Variants in AMOTL1 observed in about 807,000 individuals in gnomAD.
The protein encoded by AMOTL1 is angiomotin-like protein 1.
AMOTL1 carries 45 observed loss-of-function variants against 102.9 expected under a neutral mutation model. The ratio of observed to expected loss-of-function variants is 0.44; its 90% CI spans 0.34 to 0.56. The LOEUF is 0.56. Ranked by LOEUF, AMOTL1 falls within the 20% of genes least tolerant of loss-of-function variation. The probability of loss-of-function intolerance (pLI) is 0.01; values close to 1 mark genes in which losing one functional copy is unlikely to be tolerated. For synonymous variants in AMOTL1, 481 were observed against 484.7 expected (o/e 0.99, Z 0.10); for missense variants, 1,114 against 1,225.6 (o/e 0.91, Z 1.36).
intron 6 of AMOTL1, among the ~76,000 whole-genome samples, chr11:94,833,134 G>T (rs1952107449): frequency 6.6e-6 from 1 of 152,190 alleles, no homozygotes; most frequent in African/African-American, 2.4e-5. Context: ...GTGTTCTGAA[G>T]GCAAACACAA....
chr11:94,751,229 A>ATT (rs200703381), intron 3 of AMOTL1, among the ~76,000 whole-genome samples: 2 of 151,762 alleles, frequency 1.3e-5, no homozygotes, highest in African/African-American at 4.8e-5. Flanking sequence ...ATATATATAT[A>ATT]TTTTTTTTAT....
intron 8 of AMOTL1, among the ~76,000 whole-genome samples, chr11:94,855,243 C>T (rs1952638138): frequency 6.6e-6 from 1 of 152,236 alleles, no homozygotes; most frequent in Admixed American, 6.5e-5. Context: ...CAGGCCCATG[C>T]AGTTCCCTCT....
intron 10 of AMOTL1, 61 bp from the exon 11 acceptor site, chr11:94,865,881 A>G: frequency 7.0e-7 from 1 of 1,427,774 alleles, no homozygotes; most frequent in East Asian, 2.4e-5. Flanking sequence ...CCTGAGATAA[A>G]TGTTTCAAGT....
intron 4 of AMOTL1, among the ~76,000 whole-genome samples, chr11:94,828,072 C>G (rs545807144): frequency 6.6e-6 from 1 of 152,172 alleles, no homozygotes; most frequent in African/African-American, 2.4e-5. Context: ...TGGAAATCTT[C>G]GCCAATATGT....
At chr11:94,722,343 G>A (rs1950187119) in intron 1 of AMOTL1, among the ~76,000 whole-genome samples, 1 of 152,078 alleles carries the variant, frequency 6.6e-6, no homozygotes, top group Non-Finnish European at 1.5e-5. Context: ...GTCTGCAGAT[G>A]GGACAACATC....
At chr11:94,858,610 G>T (rs333022) in intron 8 of AMOTL1, among the ~76,000 whole-genome samples, 21,733 of 152,028 alleles carry the variant, frequency 0.14, 3,465 homozygotes, top group African/African-American at 0.39. Context: ...GAGGGGAATG[G>T]GTACCCCAGG....
chr11:94,726,419 A>G (rs1413311258), intron 1 of AMOTL1, among the ~76,000 whole-genome samples: 1 of 152,164 alleles, frequency 6.6e-6, no homozygotes, highest in African/African-American at 2.4e-5. Flanking sequence ...GTATTCCAGT[A>G]TTCCATAGAC....
At chr11:94,868,186 C>T (rs184694803) in intron 11 of AMOTL1, among the ~76,000 whole-genome samples, 2 of 152,296 alleles carry the variant, frequency 1.3e-5, no homozygotes, top group Admixed American at 6.5e-5. Flanking sequence ...GCACTGCTCT[C>T]GACAAACTGA....
chr11:94,807,213 C>T (rs1951581639), intron 3 of AMOTL1, among the ~76,000 whole-genome samples: 1 of 152,158 alleles, frequency 6.6e-6, no homozygotes, highest in Non-Finnish European at 1.5e-5. Flanking sequence ...CATTGTTAAA[C>T]CCTCTGTTCA....
rs112243073 is a variant in AMOTL1 at position 94,745,567 on chromosome 11, C to T, written c.136+4579C>T. ...TATTTTTTATTATGTTGTGTCATCACAGAAGTCCTAAAAATTTAGTTTGAA... is the reference window on the plus strand; with the variant it reads ...TATTTTTTATTATGTTGTGTCATCATAGAAGTCCTAAAAATTTAGTTTGAA... On this transcript the variant is annotated intron_variant, in intron 3 of 4. Transcript: ENST00000299004. 7.0e-3 allele frequency among the ~76,000 whole-genome samples: 1,060 copies of T among 152,252 alleles called. 12 individuals are homozygous for T. Among genetic ancestry groups the T allele is most frequent in the South Asian group, 0.033 (157 of 4,820 alleles).
chr11:94,823,058 G>A (rs1162048088), intron 4 of AMOTL1, among the ~76,000 whole-genome samples: 2 of 152,160 alleles, frequency 1.3e-5, no homozygotes, highest in African/African-American at 2.4e-5. Flanking sequence ...TGCTCCGGCT[G>A]GCCGATTTAG....
chr11:94,861,800 T>G (rs1952779408), intron 9 of AMOTL1, among the ~76,000 whole-genome samples: 1 of 152,180 alleles, frequency 6.6e-6, no homozygotes, highest in African/African-American at 2.4e-5. Flanking sequence ...AGATGTCTGT[T>G]TGGGATCCTG....
At chr11:94,802,049 C>T (rs1951488066) in intron 3 of AMOTL1, among the ~76,000 whole-genome samples, 1 of 152,182 alleles carries the variant, frequency 6.6e-6, no homozygotes, top group Non-Finnish European at 1.5e-5. Context: ...CTGCCACTGG[C>T]TTCCCAGCAC....
Position 94,737,545 on chromosome 11 carries a change from C to T in AMOTL1, c.86-3393C>T, listed in dbSNP as rs114335281. 1.0e-2 allele frequency among the ~76,000 whole-genome samples: 1,522 copies of T among 152,314 alleles called. 30 individuals carry two copies. Among genetic ancestry groups the T allele is most frequent in the African/African-American group, 0.033 (1,379 of 41,560 alleles). On this transcript the variant is annotated intron_variant, in intron 2 of 4. Coordinates refer to the AMOTL1 transcript ENST00000299004. Reference sequence around the variant, plus strand: ...GGTATGATTATTATCTCCATGTTTACACAAAGCTAAGGCTGAAAGAAATTA... The same window carrying T: ...GGTATGATTATTATCTCCATGTTTATACAAAGCTAAGGCTGAAAGAAATTA...
chr11:94,838,735 A>G (rs1049786587), intron 6 of AMOTL1, among the ~76,000 whole-genome samples: 3 of 152,262 alleles, frequency 2.0e-5, no homozygotes, highest in Admixed American at 6.5e-5. Context: ...TAATGTATAA[A>G]TCAAGATATA....
chr11:94,713,110 G>C (rs766560194), intron 1 of AMOTL1, among the ~76,000 whole-genome samples: 1 of 151,302 alleles, frequency 6.6e-6, no homozygotes, highest in African/African-American at 2.4e-5. Flanking sequence ...TTTTTAAAAG[G>C]CTCTCCTTCT....
At chr11:94,851,569 G>A (rs967192561) in intron 7 of AMOTL1, among the ~76,000 whole-genome samples, 3 of 152,196 alleles carry the variant, frequency 2.0e-5, no homozygotes, top group African/African-American at 7.2e-5. Context: ...TTACCATGAT[G>A]GGTAAGAGTG....
chr11:94,822,868 C>T (rs1389484034), intron 4 of AMOTL1, among the ~76,000 whole-genome samples: 1 of 152,116 alleles, frequency 6.6e-6, no homozygotes, highest in Admixed American at 6.5e-5. Context: ...GCAGGACAGC[C>T]ATAGAGCACT....
chr11:94,823,675 A>G (rs567353547), intron 4 of AMOTL1, among the ~76,000 whole-genome samples: 10 of 151,658 alleles, frequency 6.6e-5, no homozygotes, highest in Admixed American at 6.6e-4. Flanking sequence ...TGGTGCAGAA[A>G]TTGGAGGCCT....
Sources: gnomAD v4.1 joint callset for allele counts (sites outside exome capture counted in the v4.1 genomes callset) on GRCh38, gnomAD v4.1.1 for gene constraint, MANE v1.5 for transcripts, NCBI Gene and HGNC (gene_info 2026-07-23, HGNC 2026-07-21) for gene names.